CEP350: variants seen among roughly 807,000 people sequenced by gnomAD.
CEP350 encodes centrosomal protein 350.
In CEP350, 126 loss-of-function variants were observed where a neutral mutation model predicts 331.8. The observed-to-expected ratio is 0.38, with a 90% CI of 0.33 to 0.44. CEP350 has a LOEUF of 0.44. Among genes scored for constraint, CEP350 ranks in the 20% least tolerant of loss-of-function variants. The pLI is 1.00. For missense variants in CEP350, 3,406 were observed against 3,634.6 expected (o/e 0.94, Z 1.62); for synonymous variants, 1,200 against 1,259.5 (o/e 0.95, Z 1.00).
intron 1 of CEP350, among the ~76,000 whole-genome samples, 194 bp downstream of exon 1, chr1:179,955,336 A>C (rs1263785305): frequency 6.6e-6 from 1 of 152,162 alleles, no homozygotes; most frequent in East Asian, 1.9e-4. Context: ...TTCGGGTCCC[A>C]CCAGTGCCTG....
intron 27 of CEP350, among the ~76,000 whole-genome samples, chr1:180,069,218 T>C (rs1173406427): frequency 6.6e-6 from 1 of 152,208 alleles, no homozygotes; most frequent in Admixed American, 6.5e-5. Flanking sequence ...CACTTCCCAG[T>C]TGGCTTACAA....
chr1:180,049,767 C>T (rs1327121903), intron 22 of CEP350, among the ~76,000 whole-genome samples: 2 of 152,192 alleles, frequency 1.3e-5, no homozygotes, highest in Non-Finnish European at 2.9e-5. Flanking sequence ...TGATCTCGAA[C>T]TCCTGACCTC....
At chr1:180,106,256 G>A (rs1292341947) in intron 37 of CEP350, among the ~76,000 whole-genome samples, 1 of 152,178 alleles carries the variant, frequency 6.6e-6, no homozygotes, top group African/African-American at 2.4e-5. Flanking sequence ...CCTGGGAACT[G>A]ATGAGAAGGA....
intron 27 of CEP350, among the ~76,000 whole-genome samples, chr1:180,068,403 A>G (rs1658674454): frequency 6.6e-6 from 1 of 152,196 alleles, no homozygotes; most frequent in Non-Finnish European, 1.5e-5. Flanking sequence ...AATAATGAAA[A>G]CATGTTTGCA....
At chr1:180,054,287 C>T in intron 24 of CEP350, 128 bp from the exon 25 acceptor site, 1 of 768,746 alleles carries the variant, frequency 1.3e-6, no homozygotes, top group South Asian at 1.7e-5. Context: ...CTACATGTAG[C>T]AACTGCTTTT....
At chr1:179,963,408 C>A (rs1650774746) in intron 1 of CEP350, among the ~76,000 whole-genome samples, 1 of 151,894 alleles carries the variant, frequency 6.6e-6, no homozygotes, top group South Asian at 2.1e-4. Flanking sequence ...AAGAGTTTTT[C>A]CTAGGTTTTT....
At chr1:180,031,864 A>G (rs186603277) in intron 15 of CEP350, among the ~76,000 whole-genome samples, 3 of 152,244 alleles carry the variant, frequency 2.0e-5, no homozygotes, top group Admixed American at 6.5e-5. Context: ...TTCTAAGTGC[A>G]TAACTCTACT....
chr1:180,093,895 A>T lies in CEP350; in HGVS notation c.7790A>T (p.Asp2597Val), dbSNP rs1299784094. 2 of 1,613,810 alleles carry T rather than the reference A, an allele frequency of 1.2e-6. No homozygotes were observed. Among genetic ancestry groups the T allele is most frequent in the African/African-American group, 2.7e-5 (2 of 74,938 alleles). The change falls in exon 34 of 38, where the codon GAT (aspartate) becomes GTT (valine). Residue 2597 changes from aspartate (D) to valine (V), a missense_variant. Physicochemically the swap from Asp to Val is radical, Grantham distance 152. This residue lies in a region of CEP350 where 1,415 missense variants were observed against 1,512.3 expected (regional missense o/e 0.94). Transcript: ENST00000367607. ...CAGTGCTATAATCAAGAGCAAAATG[A>T]TACAGAGGGTCCAAAAGACAGAGAA... ...RYQCYNQEQN[D>V]TEGPKDREKD...
rs1315138749 is a variant in CEP350 at position 180,026,641 on chromosome 1, G to A, written c.3550+2059G>A. 3.3e-5 allele frequency among the ~76,000 whole-genome samples: 5 copies of A among 152,110 alleles called. No individual in the cohort carries two copies. The East Asian group carries it at 5.8e-4, about 18-fold the overall frequency. ...AACTCCATTCTTCTGTCCATCAGCC[G>A]CTGGTAACCACTGTTCTGTTTTCTG... On this transcript the variant is annotated intron_variant, in intron 14 of 37. Transcript: ENST00000367607.
rs138728080 is a variant in CEP350, at chr1:180,078,938, G to A, written c.5979+264G>A. ...CTAAAGTCTTTATGAAAAACAGTTT[G>A]TAGGAACAACACAAGTTCTTTCTGA... On this transcript the variant is annotated intron_variant, in intron 29 of 37. Coordinates refer to ENST00000367607, the MANE Select transcript of CEP350 (RefSeq NM_014810.5). Among the ~76,000 whole-genome samples, 336 of 152,238 alleles carry A rather than the reference G, an allele frequency of 2.2e-3. 5 individuals are homozygous for A. Among genetic ancestry groups the A allele is most frequent in the East Asian group, 2.3e-3 (12 of 5,186 alleles).
At position 179,996,701 on chromosome 1, in the gene CEP350, G is replaced by A. The variant is rs1326277936; in HGVS notation, c.544G>A (p.Glu182Lys). ...EERNIRSCDFESSQSSVINDT... is the reference protein window; with the variant it reads ...EERNIRSCDFKSSQSSVINDT... Reference sequence around the variant, plus strand: ...ACGGAATATACGGAGCTGTGATTTTGAGAGCTCCCAATCATCTGTCATCAA... The same window carrying A: ...ACGGAATATACGGAGCTGTGATTTTAAGAGCTCCCAATCATCTGTCATCAA... The change falls in exon 6 of 38, where the codon GAG becomes AAG. Residue 182 changes from glutamate (E) to lysine (K), a missense_variant. By Grantham distance (56) the Glu-to-Lys change is moderately conservative. Coordinates refer to ENST00000367607, the MANE Select transcript of CEP350 (RefSeq NM_014810.5). The A allele has an allele frequency of 1.2e-6, 2 of 1,613,646 alleles. No individual in the cohort carries two copies. The highest frequency in any genetic ancestry group is 2.7e-5 in the African/African-American group (2 of 75,036).
intron 3 of CEP350, among the ~76,000 whole-genome samples, chr1:179,990,195 A>G (rs995345139): frequency 1.3e-5 from 2 of 152,144 alleles, no homozygotes; most frequent in African/African-American, 4.8e-5. Context: ...AAAAAAAAAA[A>G]GTCAGATAAT....
intron 3 of CEP350, among the ~76,000 whole-genome samples, chr1:179,989,711 A>G (rs1463191865): frequency 6.6e-6 from 1 of 152,088 alleles, no homozygotes; most frequent in Admixed American, 6.5e-5. Flanking sequence ...TGTATGTGAA[A>G]CCTGAATTCT....
intron 1 of CEP350, among the ~76,000 whole-genome samples, chr1:179,965,269 A>C (rs1049146880): frequency 6.6e-6 from 1 of 152,140 alleles, no homozygotes; most frequent in African/African-American, 2.4e-5. Context: ...TATGCTTGAC[A>C]TGATTTCATT....
chr1:180,087,754 G>A, intron 32 of CEP350, 37 bp downstream of exon 32: 1 of 1,423,910 alleles, frequency 7.0e-7, no homozygotes, highest in Non-Finnish European at 9.2e-7. Flanking sequence ...ATTCTGCCTT[G>A]TTTGAAAAAG....
chr1:180,072,988 T>G (rs1381052429), intron 27 of CEP350, among the ~76,000 whole-genome samples: 1 of 152,208 alleles, frequency 6.6e-6, no homozygotes, highest in African/African-American at 2.4e-5. Context: ...CTATTTATTA[T>G]TACAAAAGAA....
At chr1:180,076,285 C>T (rs1294070354) in intron 28 of CEP350, among the ~76,000 whole-genome samples, 1 of 151,996 alleles carries the variant, frequency 6.6e-6, no homozygotes, top group Non-Finnish European at 1.5e-5. Context: ...ATGTTATGTC[C>T]ATAAAAGGAC....
intron 1 of CEP350, among the ~76,000 whole-genome samples, chr1:179,961,437 CTG>C (rs764607998): frequency 2.0e-4 from 30 of 152,060 alleles, no homozygotes; most frequent in Admixed American, 5.9e-4. Flanking sequence ...GACAGAGAGA[CTG>C]TGTCTCAAAA....
chr1:180,018,938 C>T (rs1232165454), intron 11 of CEP350, among the ~76,000 whole-genome samples: 1 of 151,732 alleles, frequency 6.6e-6, no homozygotes, highest in African/African-American at 2.4e-5. Context: ...CCAATGCGTC[C>T]TCCACCTCTC....
Sources: gnomAD v4.1 joint callset for allele counts (sites outside exome capture counted in the v4.1 genomes callset) on GRCh38, gnomAD v4.1.1 for gene constraint, gnomAD v4.1.1 regional missense constraint, MANE v1.5 for transcripts, NCBI Gene and HGNC (gene_info 2026-07-23, HGNC 2026-07-21) for gene names.